Variants in HELB observed in about 807,000 individuals in gnomAD.
HELB encodes DNA 5'-3' helicase B.
Under a neutral mutation model 101.7 loss-of-function variants are expected in HELB, and 96 were observed. The ratio of observed to expected loss-of-function variants is 0.94; its 90% CI spans 0.80 to 1.12. The LOEUF (loss-of-function observed/expected upper bound fraction) is 1.12, where lower values mean the gene tolerates loss of function less well. HELB is among the 50% of genes most tolerant of loss of function. HELB has a pLI of 0.00. For synonymous variants in HELB, 437 were observed against 459.7 expected (o/e 0.95, Z 0.63); for missense variants, 1,210 against 1,291.9 (o/e 0.94, Z 0.97).
At position 66,324,676 on chromosome 12, in the gene HELB, C is replaced by T. The variant is rs1044095510; in HGVS notation, c.2527-307C>T. Among the ~76,000 whole-genome samples the T allele has an allele frequency of 7.9e-5, 12 of 152,244 alleles. No individual in the cohort carries two copies. In the East Asian group the frequency reaches 2.1e-3, roughly 27 times the overall value. ...AAAAGTAAACTGCAAAGAATCTACT[C>T]AGACTTATGTAGTCAATACAAGAAA... is the stretch of plus-strand genomic sequence containing the variant. On this transcript the variant is annotated intron_variant, in intron 10 of 12. Transcript: ENST00000247815.
In HELB at chr12:66,314,160, C is replaced by T; in HGVS notation, c.1855C>T (p.Leu619Phe). Residue 619 changes from leucine to phenylalanine, a missense_variant, in exon 5 of 13, where the codon CTT becomes TTT. Transcript: ENST00000247815. ...CTCCAAACTTTCTAAGCTTATTATC[C>T]TTGGTAAGTTAAAATATTGTTGGAA... ...EHSKLSKLII[L>F]GDIRQLPSIE... 1 of 1,610,748 alleles carries T rather than the reference C, an allele frequency of 6.2e-7. No individual in the cohort carries two copies. Among genetic ancestry groups the T allele is most frequent in the Non-Finnish European group, 8.5e-7 (1 of 1,177,692 alleles).
rs1202288489 is a variant in HELB at position 66,304,917 on chromosome 12, ATATCTG to A, written c.376_381del (p.Ile126_Cys127del). ...GATATGTCACCACCAAATCAAAAAC[ATATCTG>A]TGCTCTCTTTCTTAAAGAGTGTGAG... On this transcript the variant is annotated inframe_deletion, in exon 2 of 13. Transcript: ENST00000247815. 5.6e-6 allele frequency: 9 copies of A among 1,614,042 alleles called. No homozygotes were observed. Among genetic ancestry groups the A allele is most frequent in the Non-Finnish European group, 6.8e-6 (8 of 1,180,014 alleles).
chr12:66,314,757 C>G (rs2053582557), intron 5 of HELB, among the ~76,000 whole-genome samples: 1 of 152,068 alleles, frequency 6.6e-6, no homozygotes, highest in East Asian at 1.9e-4. Context: ...CTCTCTGCTT[C>G]CCCCAGTACA....
intron 5 of HELB, 148 bp downstream of exon 5, chr12:66,314,311 A>G (rs1160547389): frequency 9.4e-6 from 7 of 741,048 alleles, no homozygotes; most frequent in Non-Finnish European, 1.3e-5. Flanking sequence ...AAATCTGACC[A>G]CTCTCCTAAT....
chr12:66,328,816 T>C (rs924212577), intron 11 of HELB, among the ~76,000 whole-genome samples: 1 of 152,240 alleles, frequency 6.6e-6, no homozygotes, highest in African/African-American at 2.4e-5. Context: ...GATGATATTT[T>C]GGATATGTTA....
intron 3 of HELB, among the ~76,000 whole-genome samples, chr12:66,307,754 C>CTT (rs752323706): frequency 1.8e-4 from 26 of 145,918 alleles, no homozygotes; most frequent in Admixed American, 4.1e-4. Context: ...CTTTTCTTTT[C>CTT]TTTTTTTTTT....
chr12:66,325,287 C>G (rs911345291), intron 11 of HELB, among the ~76,000 whole-genome samples, 161 bp downstream of exon 11: 7 of 152,146 alleles, frequency 4.6e-5, no homozygotes, highest in Non-Finnish European at 7.4e-5. Flanking sequence ...CCCTTTTGCT[C>G]TTTTTTGCTC....
chr12:66,331,322 T>C lies in HELB; in HGVS notation c.2839T>C (p.Leu947=). 4.3e-6 allele frequency: 7 copies of C among 1,614,210 alleles called. No homozygotes were observed. Among genetic ancestry groups the C allele is most frequent in the African/African-American group, 1.3e-5 (1 of 75,060 alleles). ...AAACAGTTTTCCTAGAAAAACTCGTTTGAAACATTTCTTGCAAAGTAAGCT... is the reference window on the plus strand; with the variant it reads ...AAACAGTTTTCCTAGAAAAACTCGTCTGAAACATTTCTTGCAAAGTAAGCT... ...MKNSFPRKTR[L]KHFLQSKLSS... is the part of the protein sequence containing the mutation. Residue 947 remains leucine, a synonymous_variant, in exon 12 of 13, where the codon TTG becomes CTG. Coordinates refer to ENST00000247815, the MANE Select transcript of HELB (RefSeq NM_001370285.1).
chr12:66,335,158 T>C (rs2053853195), intron 12 of HELB, among the ~76,000 whole-genome samples: 1 of 152,156 alleles, frequency 6.6e-6, no homozygotes, highest in Admixed American at 6.5e-5. Flanking sequence ...TAATTGGAAA[T>C]GTACCTGGAC....
intron 12 of HELB, among the ~76,000 whole-genome samples, chr12:66,333,632 C>T (rs1396533317): frequency 4.0e-5 from 6 of 151,854 alleles, no homozygotes; most frequent in African/African-American, 9.7e-5. Flanking sequence ...TGCAGTAAGC[C>T]GAGATTGCAC....
At chr12:66,324,326 A>T (rs2053710574) in intron 10 of HELB, 115 bp downstream of exon 10, 1 of 827,012 alleles carries the variant, frequency 1.2e-6, no homozygotes, top group African/African-American at 1.7e-5. Flanking sequence ...TTGTTTCATG[A>T]TTTTTTGTTA....
chr12:66,314,945 A>T (rs1201817422), intron 5 of HELB, among the ~76,000 whole-genome samples: 4 of 151,024 alleles, frequency 2.6e-5, no homozygotes, highest in African/African-American at 9.7e-5. Flanking sequence ...TTTCAGTAAG[A>T]CATTGAACAT....
Position 66,331,196 on chromosome 12 carries a change from G to A in HELB, c.2713G>A (p.Gly905Ser). The A allele has an allele frequency of 6.2e-7, 1 of 1,612,096 alleles. No homozygotes were observed. Among genetic ancestry groups the A allele is most frequent in the African/African-American group, 1.3e-5 (1 of 75,012 alleles). Residue 905 changes from glycine to serine, a missense_variant, in exon 12 of 13, where the codon GGC (glycine) becomes AGC (serine). Gly to Ser is a moderately conservative substitution (Grantham distance 56). Around this residue, in one of 2 missense-constraint regions of HELB, gnomAD observed 740 missense variants for 728.8 expected, o/e 1.02. Coordinates refer to ENST00000247815, the MANE Select transcript of HELB (RefSeq NM_001370285.1). ...QTVVYVVGKA[G>S]RQHWQHVYTA... ...AGTTGTCTATGTGGTGGGGAAGGCG[G>A]GCCGCCAGCACTGGCAGCATGTCTA...
chr12:66,342,374 T>G (rs973916961), downstream of HELB: 1 of 151,470 alleles, frequency 6.6e-6, no homozygotes, highest in African/African-American at 2.4e-5. Flanking sequence ...CATCTTTTTT[T>G]TTTTTTTTTT....
chr12:66,337,619 TAAAAA>T (rs34804860), intron 12 of HELB, among the ~76,000 whole-genome samples: 1 of 138,096 alleles, frequency 7.2e-6, no homozygotes, highest in South Asian at 2.3e-4. Flanking sequence ...GGCCCACACT[TAAAAA>T]AAAAAAAAAA....
At chr12:66,317,619 A>G (rs1307496917) in intron 6 of HELB, among the ~76,000 whole-genome samples, 1 of 152,158 alleles carries the variant, frequency 6.6e-6, no homozygotes, top group Non-Finnish European at 1.5e-5. Context: ...AACTTTTTCA[A>G]TATCATTTGG....
Position 66,315,265 on chromosome 12 carries a change from A to AG in HELB, c.1882_1883insG (p.Ile628SerfsTer2). On this transcript the variant is annotated frameshift_variant, in exon 6 of 13. Coordinates refer to ENST00000247815, the MANE Select transcript of HELB (RefSeq NM_001370285.1). LOFTEE classifies it high-confidence loss of function. ...AGGTGACATTAGACAGTTACCCAGT[A>AG]TTGAACCTGGTAACTTGCTGAAAGA... 1 of 1,607,604 alleles carries AG rather than the reference A, an allele frequency of 6.2e-7. No individual in the cohort carries two copies. The highest frequency in any genetic ancestry group is 1.1e-5 in the South Asian group (1 of 89,974).
At chr12:66,314,211 T>A in intron 5 of HELB, 48 bp downstream of exon 5, 1 of 1,547,992 alleles carries the variant, frequency 6.5e-7, no homozygotes, top group Non-Finnish European at 8.9e-7. Flanking sequence ...CAAAGTATTG[T>A]GGTTAGTTGG....
chr12:66,321,587 A>G (rs2053671185), intron 7 of HELB: 1 of 220,248 alleles, frequency 4.5e-6, no homozygotes, highest in African/African-American at 2.4e-5. Flanking sequence ...AGGACTTAAA[A>G]CAGGAAGTTT....
Sources: allele counts gnomAD v4.1 joint callset (sites outside exome capture counted in the v4.1 genomes callset), GRCh38; gene constraint gnomAD v4.1.1; regional missense constraint gnomAD v4.1.1; transcripts MANE v1.5; gene names NCBI Gene and HGNC (gene_info 2026-07-23, HGNC 2026-07-21).